The following LSG1 variants were observed in gnomAD, a reference collection of about 807,000 sequenced individuals.
LSG1 encodes large subunit GTPase 1 homolog.
Under a neutral mutation model 82.6 loss-of-function variants are expected in LSG1, and 55 were observed. The observed-to-expected ratio is 0.67, with a 90% confidence interval of 0.54 to 0.83. The LOEUF (loss-of-function observed/expected upper bound fraction) is 0.83. LSG1 is among the 40% of genes least tolerant of loss of function. The pLI, the probability that LSG1 is intolerant of heterozygous loss-of-function variation, is 0.00. For missense variants in LSG1, 809 were observed against 807.9 expected (o/e 1.00, Z -0.02); for synonymous variants, 272 against 282.5 (o/e 0.96, Z 0.37).
At chr3:194,644,259 G>A (rs1437289018) in intron 13 of LSG1, among the ~76,000 whole-genome samples, 2 of 151,604 alleles carry the variant, frequency 1.3e-5, no homozygotes, top group Non-Finnish European at 3.0e-5. Flanking sequence ...CTACTCGGGA[G>A]GCTGAGGCAG....
intron 2 of LSG1, among the ~76,000 whole-genome samples, chr3:194,667,942 AATATAT>A (rs763693435): frequency 0.01 from 905 of 86,730 alleles, 46 homozygotes; most frequent in East Asian, 0.019. Context: ...AAAAAAAAAA[AATATAT>A]ATATATATAT....
intron 11 of LSG1, among the ~76,000 whole-genome samples, chr3:194,648,075 A>ATT (rs990548703): frequency 0.022 from 2,542 of 117,870 alleles, 101 homozygotes; most frequent in African/African-American, 0.078. Context: ...CCACACTGCT[A>ATT]TTTTTTTTTT....
Position 194,660,106 on chromosome 3 carries a change from A to G in LSG1, c.549T>C (p.Ala183=), listed in dbSNP as rs770203119. 3.1e-6 allele frequency: 5 copies of G among 1,614,014 alleles called. No homozygotes were observed. In the South Asian group the frequency reaches 3.3e-5, roughly 11 times the overall value. The change falls in exon 6 of 14, where the codon GCT becomes GCC. Residue 183 remains alanine (A), a synonymous_variant. Coordinates refer to ENST00000265245, the MANE Select transcript of LSG1 (RefSeq NM_018385.3). The part of the protein sequence containing the change: ...RSDIVVQIVD[A]RNPLLFRCED... ...CACATCTAAACAGGAGTGGGTTTCGAGCATCTACTATCTGGACCACAATAT... is the reference window on the plus strand; with the variant it reads ...CACATCTAAACAGGAGTGGGTTTCGGGCATCTACTATCTGGACCACAATAT...
chr3:194,647,687 T>C (rs1442408683), intron 11 of LSG1, among the ~76,000 whole-genome samples: 2 of 152,228 alleles, frequency 1.3e-5, no homozygotes, highest in African/African-American at 4.8e-5. Flanking sequence ...AACTGGAAGT[T>C]TGGTGGAAGT....
intron 11 of LSG1, 103 bp downstream of exon 11, chr3:194,648,578 G>A (rs1718602034): frequency 8.1e-7 from 1 of 1,232,612 alleles, no homozygotes; most frequent in Non-Finnish European, 1.1e-6. Context: ...TTATAAATGT[G>A]TATCTTTGCA....
At chr3:194,660,712 G>C (rs1478754490) in intron 5 of LSG1, 1 of 316,196 alleles carries the variant, frequency 3.2e-6, no homozygotes. Context: ...GTGTTTAAAT[G>C]GCAAAAAGAG....
chr3:194,662,435 C>A (rs1339017842), intron 5 of LSG1, among the ~76,000 whole-genome samples: 1 of 152,186 alleles, frequency 6.6e-6, no homozygotes, highest in Non-Finnish European at 1.5e-5. Context: ...CCACCTCCTG[C>A]CCCTTTCCTG....
chr3:194,665,733 T>C (rs748236543), intron 4 of LSG1, 90 bp from the exon 5 acceptor site: 14 of 691,502 alleles, frequency 2.0e-5, no homozygotes, highest in Non-Finnish European at 3.5e-5. Context: ...ACATTAAAAA[T>C]AAGTACTGGG....
Position 194,664,682 on chromosome 3 carries a change from G to A in LSG1, c.521+875C>T, listed in dbSNP as rs151149925. Among the ~76,000 whole-genome samples the A allele has an allele frequency of 2.0e-3, 297 of 152,218 alleles. 11 individuals are homozygous for A. In the East Asian group the frequency reaches 0.042, roughly 22 times the overall value. Reference sequence around the variant, plus strand: ...TGTAATCCTAGCACTTTGGGAGGCTGAGGCGGGTGGATCACGAGGTCAGGA... The same window carrying A: ...TGTAATCCTAGCACTTTGGGAGGCTAAGGCGGGTGGATCACGAGGTCAGGA... On this transcript the variant is annotated intron_variant, in intron 5 of 13. Transcript: ENST00000265245.
In LSG1 at chr3:194,651,124, C is replaced by T; in HGVS notation, c.1266G>A (p.Lys422=). The change falls in exon 9 of 14, where the codon AAG becomes AAA. Residue 422 remains lysine (K), a synonymous_variant. Transcript: ENST00000265245. ...VSVSATPGHT[K]HFQTLYVEPG... ...AGCACCACAGAAATACCTGAAAGTG[C>T]TTTGTGTGACCAGGTGTGGCAGACA... 1 of 1,614,200 alleles carries T rather than the reference C, an allele frequency of 6.2e-7. No homozygotes were observed. The highest frequency in any genetic ancestry group is 8.5e-7 in the Non-Finnish European group (1 of 1,180,026).
At chr3:194,667,923 C>CAAAAA (rs1170566137) in intron 2 of LSG1, among the ~76,000 whole-genome samples, 2 of 12,834 alleles carry the variant, frequency 1.6e-4, no homozygotes, top group African/African-American at 3.9e-4. Flanking sequence ...GACTCCGTCT[C>CAAAAA]AAAAAAAAAA....
chr3:194,663,042 G>C (rs1718965450), intron 5 of LSG1, among the ~76,000 whole-genome samples: 1 of 152,180 alleles, frequency 6.6e-6, no homozygotes, highest in Admixed American at 6.5e-5. Context: ...GGAACAAAGA[G>C]GAAAGACAGA....
rs377675481 is a variant in LSG1, at chr3:194,672,143, G to A, written c.20C>T (p.Pro7Leu). The A allele has an allele frequency of 3.7e-6, 6 of 1,604,506 alleles. No individual in the cohort carries two copies. In the African/African-American group the frequency reaches 5.3e-5, roughly 14 times the overall value. Reference sequence around the variant, plus strand: ...GGCCCGTCCCAGCGACCCACCGGCCGGGGCTCTCCTCCGGCCCATGGCAAC... The same window carrying A: ...GGCCCGTCCCAGCGACCCACCGGCCAGGGCTCTCCTCCGGCCCATGGCAAC... MGRRRA[P>L]AGGSLGRALM... Residue 7 changes from proline (P) to leucine (L), a missense_variant, in exon 1 of 14, where the codon CCG becomes CTG. Physicochemically the swap from Pro to Leu is moderately conservative, Grantham distance 98. Transcript: ENST00000265245.
At chr3:194,653,456 A>G (rs1718723436) in intron 7 of LSG1, among the ~76,000 whole-genome samples, 1 of 151,698 alleles carries the variant, frequency 6.6e-6, no homozygotes, top group Non-Finnish European at 1.5e-5. Context: ...CGGAGGGTGC[A>G]GTGAGCCGAG....
rs1018463021 is a variant in LSG1 at position 194,648,536 on chromosome 3, C to T, written c.1543+145G>A. On this transcript the variant is annotated intron_variant, in intron 11 of 13. Transcript: ENST00000265245. ...ACTTTGTAGGCAAGGCCCACAGAGA[C>T]GAAAGATGGCTTGAAAAATGCTGAA... 84 of 1,005,226 alleles carry T rather than the reference C, an allele frequency of 8.4e-5. 1 individual carries two copies. The highest frequency in any genetic ancestry group is 1.0e-4 in the Non-Finnish European group (72 of 712,792). 62.3% of individuals were successfully genotyped at this position (1,005,226 alleles called of 1,614,324 possible).
Position 194,648,669 on chromosome 3 carries a change from A to G in LSG1, c.1543+12T>C. 6.2e-7 allele frequency: 1 copy of G among 1,613,162 alleles called. No individual in the cohort carries two copies. The highest frequency in any genetic ancestry group is 8.5e-7 in the Non-Finnish European group (1 of 1,179,642). On this transcript the variant is annotated intron_variant, in intron 11 of 13. Transcript: ENST00000265245. ...TACTTTTGTTCACATTTTCTGATGA[A>G]TCACAACTTACATCCATAAGCTGTC... is the stretch of plus-strand genomic sequence containing the variant.
intron 8 of LSG1, among the ~76,000 whole-genome samples, chr3:194,651,984 G>A (rs1050206119): frequency 6.6e-6 from 1 of 152,078 alleles, no homozygotes; most frequent in Non-Finnish European, 1.5e-5. Flanking sequence ...GGGGCAGGGG[G>A]TTGGGGCAGA....
At chr3:194,656,688 C>T (rs1256452273) in intron 7 of LSG1, among the ~76,000 whole-genome samples, 1 of 152,000 alleles carries the variant, frequency 6.6e-6, no homozygotes, top group Non-Finnish European at 1.5e-5. Flanking sequence ...GCTATAAAGA[C>T]ACATGCACAC....
chr3:194,660,745 G>T (rs753850720), intron 5 of LSG1: 31 of 399,154 alleles, frequency 7.8e-5, no homozygotes, highest in Non-Finnish European at 1.4e-4. Context: ...TATTAACTTA[G>T]GTTGCCCGGC....
Sources: allele counts gnomAD v4.1 joint callset (sites outside exome capture counted in the v4.1 genomes callset), GRCh38; gene constraint gnomAD v4.1.1; transcripts MANE v1.5; gene names NCBI Gene and HGNC (gene_info 2026-07-23, HGNC 2026-07-21).